LRRC56: variants seen among roughly 807,000 people sequenced by gnomAD.
LRRC56 encodes leucine-rich repeat-containing protein 56.
In LRRC56, 41 loss-of-function variants were observed where a neutral mutation model predicts 47.8. The ratio of observed to expected loss-of-function variants is 0.86; its 90% CI spans 0.67 to 1.11. The LOEUF (loss-of-function observed/expected upper bound fraction) is 1.11. Among genes scored for constraint, LRRC56 ranks in the 50% most tolerant of loss-of-function variants. The pLI, the probability that LRRC56 is intolerant of heterozygous loss-of-function variation, is 0.00. For synonymous variants in LRRC56, 387 were observed against 311.2 expected (o/e 1.24, Z -2.56); for missense variants, 759 against 704.2 (o/e 1.08, Z -0.88).
the LRRC56 span, among the ~76,000 whole-genome samples, chr11:525,276 A>G: frequency 3.3e-5 from 5 of 151,590 alleles, no homozygotes; most frequent in Admixed American, 6.6e-5. Flanking sequence ...ACGGTGGCTC[A>G]CGCCTGTAAT....
chr11:549,847 G>A, intron 6 of LRRC56, 55 bp from the exon 7 acceptor site: 2 of 1,495,330 alleles, frequency 1.3e-6, no homozygotes, highest in Non-Finnish European at 1.9e-6. Context: ...AAAGGCAGGT[G>A]GTGGCTGAGC....
In LRRC56 at chr11:554,671, A is replaced by T; in HGVS notation, c.*395A>T. Reference sequence around the variant, plus strand: ...CCACTCCCTTGCCGGCCCCAGGGTAAGAGCCACCTCCTAGGCCGCAGTGGC... The same window carrying T: ...CCACTCCCTTGCCGGCCCCAGGGTATGAGCCACCTCCTAGGCCGCAGTGGC... On this transcript the variant is annotated 3_prime_UTR_variant, in exon 14 of 14. Transcript: ENST00000270115. 1 of 407,946 alleles carries T rather than the reference A, an allele frequency of 2.5e-6. No homozygotes were observed. Among genetic ancestry groups the T allele is most frequent in the Non-Finnish European group, 4.4e-6 (1 of 227,180 alleles). The allele number at this position is 407,946 out of a possible 1,614,324, so 25.3% of individuals were successfully genotyped here.
chr11:519,070 G>A, the LRRC56 span, among the ~76,000 whole-genome samples: 11 of 152,332 alleles, frequency 7.2e-5, no homozygotes, highest in African/African-American at 2.6e-4. Context: ...GTGCAAACCG[G>A]TCCTTCCGCC....
the LRRC56 span, among the ~76,000 whole-genome samples, chr11:527,322 C>T: frequency 1.8e-4 from 28 of 152,100 alleles, no homozygotes; most frequent in African/African-American, 5.8e-4. Flanking sequence ...TGCAACGTGC[C>T]GTGTGGCACT....
At position 541,623 on chromosome 11, in the gene LRRC56, T is replaced by C; in HGVS notation, c.264T>C (p.Phe88=). 1 of 1,565,620 alleles carries C rather than the reference T, an allele frequency of 6.4e-7. No homozygotes were observed. Among genetic ancestry groups the C allele is most frequent in the Non-Finnish European group, 8.7e-7 (1 of 1,153,932 alleles). ...VDTREGSLGN[F]GVHLPNLDQL... ...CTCGTGAGGGCAGCCTGGGGAACTT[T>C]GGTGAGCCTCTTCCCACCCCGCCAT... Residue 88 remains phenylalanine (F), a splice_region_variant and synonymous_variant, in exon 5 of 14, where the codon TTT becomes TTC. Transcript: ENST00000270115. The surrounding 1 kb of genome is among the most constrained non-coding windows in gnomAD (Gnocchi z 4.1).
chr11:516,379 C>T, the LRRC56 span, among the ~76,000 whole-genome samples: 3 of 151,426 alleles, frequency 2.0e-5, no homozygotes, highest in East Asian at 1.9e-4. Flanking sequence ...AGTGACAGAG[C>T]GAGCCTCCAT....
At chr11:540,589 G>T (rs1851741762) in intron 3 of LRRC56, 85 bp from the exon 4 acceptor site, 7 of 1,223,954 alleles carry the variant, frequency 5.7e-6, no homozygotes, top group African/African-American at 3.0e-5. Flanking sequence ...GGGGCGGGGG[G>T]TTGAGGGCTG....
At chr11:517,535 T>C in the LRRC56 span, among the ~76,000 whole-genome samples, 2 of 144,696 alleles carry the variant, frequency 1.4e-5, no homozygotes, top group African/African-American at 2.6e-5. Flanking sequence ...GACTGCCCCG[T>C]CTGGGAAGTG....
At chr11:513,628 C>T in the LRRC56 span, among the ~76,000 whole-genome samples, 1 of 152,120 alleles carries the variant, frequency 6.6e-6, no homozygotes, top group Non-Finnish European at 1.5e-5. Flanking sequence ...TGCTACCAAA[C>T]AGCATCGCGT....
the LRRC56 span, among the ~76,000 whole-genome samples, chr11:509,874 A>T: frequency 6.6e-6 from 1 of 151,382 alleles, no homozygotes. Flanking sequence ...TCACCTCGTT[A>T]TGTCTTTATC....
chr11:543,893 C>T (rs990870913), intron 5 of LRRC56, among the ~76,000 whole-genome samples: 8 of 152,208 alleles, frequency 5.3e-5, no homozygotes, highest in South Asian at 2.1e-4. Context: ...GGACTACAGG[C>T]GCCCGCCACC....
At chr11:552,487 C>T (rs1358574323) in intron 12 of LRRC56, 82 bp from the exon 13 acceptor site, 9 of 1,351,922 alleles carry the variant, frequency 6.7e-6, no homozygotes, top group East Asian at 2.5e-5. Flanking sequence ...CATCCCCAGT[C>T]CCAAGGCTCA....
At chr11:528,271 C>T in the LRRC56 span, among the ~76,000 whole-genome samples, 4 of 152,214 alleles carry the variant, frequency 2.6e-5, no homozygotes, top group Non-Finnish European at 5.9e-5. Flanking sequence ...CAGCTGGTGG[C>T]GAGTCCTGAG....
At chr11:551,386 G>C in intron 9 of LRRC56, 84 bp downstream of exon 9, 2 of 960,266 alleles carry the variant, frequency 2.1e-6, no homozygotes, top group East Asian at 5.3e-5. Context: ...TCTCAGAAAC[G>C]GATAGCCACA....
chr11:512,031 C>T, the LRRC56 span, among the ~76,000 whole-genome samples: 1 of 152,010 alleles, frequency 6.6e-6, no homozygotes, highest in Non-Finnish European at 1.5e-5. Context: ...GCAACCTCCG[C>T]CTCCTGGCCT....
chr11:513,260 A>G, the LRRC56 span, among the ~76,000 whole-genome samples: 4 of 152,204 alleles, frequency 2.6e-5, no homozygotes, highest in Non-Finnish European at 5.9e-5. Flanking sequence ...GGTTCAAGCA[A>G]TTCTGCCTCA....
At position 541,162 on chromosome 11, in the gene LRRC56, A is replaced by G. The variant is rs1203596434; in HGVS notation, c.177+301A>G. On this transcript the variant is annotated intron_variant, in intron 4 of 13. Coordinates refer to ENST00000270115, the MANE Select transcript of LRRC56 (RefSeq NM_198075.4). The surrounding 1 kb of genome is among the most constrained non-coding windows in gnomAD (Gnocchi z 4.1). ...ACCCACAAGTAGGGGCTGAGCATCC[A>G]TTATCCTCCAACCAAAGAGGGGGGT... Among the ~76,000 whole-genome samples, 1 of 152,148 alleles carries G rather than the reference A, an allele frequency of 6.6e-6. No individual in the cohort carries two copies.
At position 551,814 on chromosome 11, in the gene LRRC56, C is replaced by T; in HGVS notation, c.960C>T (p.Ser320=). 3 of 1,606,824 alleles carry T rather than the reference C, an allele frequency of 1.9e-6. No individual in the cohort carries two copies. Among genetic ancestry groups the T allele is most frequent in the Non-Finnish European group, 2.6e-6 (3 of 1,176,094 alleles). Residue 320 remains serine (S), a synonymous_variant, in exon 10 of 14, where the codon AGC becomes AGT. Transcript: ENST00000270115. ...SEDLAPEDNT[S]SLTHGAGQVL... Reference sequence around the variant, plus strand: ...ACCTGGCCCCAGAAGATAACACCAGCAGCCTCACCCATGGTAACTGACTTG... The same window carrying T: ...ACCTGGCCCCAGAAGATAACACCAGTAGCCTCACCCATGGTAACTGACTTG...
At chr11:536,233 C>T (rs1318524267), upstream of LRRC56, among the ~76,000 whole-genome samples, 1 of 152,242 alleles carries the variant, frequency 6.6e-6, no homozygotes, top group African/African-American at 2.4e-5. Context: ...CCACCACTCT[C>T]CTCTTTCTCG....
Sources: allele counts gnomAD v4.1 joint callset (sites outside exome capture counted in the v4.1 genomes callset), GRCh38; gene constraint gnomAD v4.1.1; non-coding constraint Gnocchi (gnomAD v3.1); transcripts MANE v1.5; gene names NCBI Gene and HGNC (gene_info 2026-07-23, HGNC 2026-07-21).